The following DESI2 variants were observed in gnomAD, a reference collection of about 807,000 sequenced individuals.
DESI2 encodes deubiquitinase DESI2.
A neutral mutation model predicts 24.1 loss-of-function variants in DESI2; 10 were observed. The observed-to-expected ratio is 0.41, with a 90% CI of 0.26 to 0.70. The LOEUF (loss-of-function observed/expected upper bound fraction) is 0.70. Among genes scored for constraint, DESI2 ranks in the 30% least tolerant of loss-of-function variants. The pLI, the probability that DESI2 is intolerant of heterozygous loss-of-function variation, is 0.29. For synonymous variants in DESI2, 71 were observed against 87.7 expected, an observed-to-expected ratio of 0.81 and a Z score of 1.06; for missense variants, 122 against 234.9, an observed-to-expected ratio of 0.52 and a Z score of 3.14.
intron 1 of DESI2, among the ~76,000 whole-genome samples, chr1:244,682,854 CA>C (rs3059851): frequency 0.012 from 1,479 of 123,336 alleles, 15 homozygotes; most frequent in African/African-American, 0.035. Context: ...AGTGTGTTGT[CA>C]AAAAAAAAAA....
At chr1:244,704,275 T>TTG (rs1677603359) in intron 4 of DESI2, among the ~76,000 whole-genome samples, 1 of 152,214 alleles carries the variant, frequency 6.6e-6, no homozygotes, top group Admixed American at 6.5e-5. Context: ...AAGATGGTAC[T>TTG]TGGAGATCAC....
chr1:244,670,507 A>G (rs1676210222), intron 1 of DESI2, among the ~76,000 whole-genome samples: 1 of 152,224 alleles, frequency 6.6e-6, no homozygotes, highest in South Asian at 2.1e-4. Flanking sequence ...GCTACAACTA[A>G]CACTCATAAT....
intron 1 of DESI2, among the ~76,000 whole-genome samples, chr1:244,679,935 G>T (rs185200863): frequency 9.1e-5 from 13 of 143,054 alleles, no homozygotes; most frequent in African/African-American, 2.6e-4. Flanking sequence ...TCACACCCAA[G>T]AAGTTTTTAA....
chr1:244,666,532 C>T (rs1036198683), intron 1 of DESI2, among the ~76,000 whole-genome samples: 1 of 152,130 alleles, frequency 6.6e-6, no homozygotes, highest in African/African-American at 2.4e-5. Flanking sequence ...CATATTGTAT[C>T]GTGTTCTCAA....
In DESI2 at chr1:244,705,746, G is replaced by A; in HGVS notation, c.542G>A (p.Ser181Asn). The A allele has an allele frequency of 6.2e-7, 1 of 1,613,356 alleles. No homozygotes were observed. Among genetic ancestry groups the A allele is most frequent in the Non-Finnish European group, 8.5e-7 (1 of 1,180,036 alleles). Residue 181 changes from serine to asparagine, a missense_variant, in exon 5 of 5, where the codon AGC (serine) becomes AAC (asparagine). This residue lies in a region of DESI2 where 56 missense variants were observed against 67.9 expected (regional missense o/e 0.82). Coordinates refer to ENST00000302550, the MANE Select transcript of DESI2 (RefSeq NM_016076.5). ...EDAAASASVA[S>N]TAAGSRPGRH... The stretch of plus-strand genomic sequence containing the variant: ...GCTGCCGCATCCGCTTCCGTGGCAA[G>A]CACTGCAGCAGGCTCCAGACCCGGG...
chr1:244,659,189 A>AG (rs940581899), intron 1 of DESI2, among the ~76,000 whole-genome samples: 2 of 141,436 alleles, frequency 1.4e-5, no homozygotes, highest in Non-Finnish European at 3.1e-5. Context: ...TTTCTTTTTT[A>AG]GGGGGGAAGG....
intron 2 of DESI2, among the ~76,000 whole-genome samples, chr1:244,688,930 T>A (rs1676918599): frequency 6.6e-6 from 1 of 152,236 alleles, no homozygotes; most frequent in Non-Finnish European, 1.5e-5. Flanking sequence ...ACTGACCACC[T>A]GCCTAGACTG....
chr1:244,664,440 A>G (rs1378485301), intron 1 of DESI2, among the ~76,000 whole-genome samples: 2 of 152,180 alleles, frequency 1.3e-5, no homozygotes, highest in Non-Finnish European at 2.9e-5. Flanking sequence ...AAACAGAGAA[A>G]AGTTCAATAT....
At position 244,706,536 on chromosome 1, in the gene DESI2, A is replaced by G. The variant is rs1677715487; in HGVS notation, c.*747A>G. On this transcript the variant is annotated 3_prime_UTR_variant, in exon 5 of 5. Coordinates refer to ENST00000302550, the MANE Select transcript of DESI2 (RefSeq NM_016076.5). ...AGTTTAGCTGGTTTTCGTTCAAGAT[A>G]TTCTTGGTAGTAACTGACAAGTATG... 6.6e-6 allele frequency: 1 copy of G among 152,670 alleles called. No individual in the cohort carries two copies. 9.5% of individuals were successfully genotyped at this position (152,670 alleles called of 1,614,324 possible). A position where few individuals can be genotyped will look rare whatever the true frequency, so the allele number is the denominator to read the frequency against.
chr1:244,655,256 C>G lies in DESI2; in HGVS notation c.42+1901C>G, dbSNP rs150697502. ...ACAGGGGAGAGAGTAAGTGATCTGCCTAAACAACTAAAAATACAATCTAGA... is the reference window on the plus strand; with the variant it reads ...ACAGGGGAGAGAGTAAGTGATCTGCGTAAACAACTAAAAATACAATCTAGA... On this transcript the variant is annotated intron_variant, in intron 1 of 4. Transcript: ENST00000302550. 1.1e-3 allele frequency among the ~76,000 whole-genome samples: 167 copies of G among 152,290 alleles called. 3 individuals are homozygous for G. The highest frequency in any genetic ancestry group is 6.8e-3 in the Middle Eastern group (2 of 294).
At chr1:244,658,792 G>A (rs138077795) in intron 1 of DESI2, among the ~76,000 whole-genome samples, 28 of 152,288 alleles carry the variant, frequency 1.8e-4, no homozygotes, top group African/African-American at 6.7e-4. Context: ...TTGGACTAGG[G>A]TGTCCAGATG....
At chr1:244,695,075 C>G (rs1283205619) in intron 4 of DESI2, among the ~76,000 whole-genome samples, 1 of 152,208 alleles carries the variant, frequency 6.6e-6, no homozygotes, top group African/African-American at 2.4e-5. Flanking sequence ...ATTCATTTCT[C>G]TAAGCTGCCA....
At chr1:244,694,611 C>T in intron 4 of DESI2, 1 of 846,856 alleles carries the variant, frequency 1.2e-6, no homozygotes. Context: ...GGCGGGGTAG[C>T]CACATTTGCC....
chr1:244,663,017 C>G (rs972972558), intron 1 of DESI2, among the ~76,000 whole-genome samples: 3 of 152,134 alleles, frequency 2.0e-5, no homozygotes, highest in African/African-American at 7.2e-5. Flanking sequence ...ATGAAAAGCA[C>G]CATTTCCTAA....
rs1044685992 is a variant in DESI2, at chr1:244,706,985, T to C, written c.*1196T>C. 6.6e-6 allele frequency: 1 copy of C among 152,628 alleles called. No homozygotes were observed. The highest frequency in any genetic ancestry group is 1.5e-5 in the Non-Finnish European group (1 of 68,040). The allele number at this position is 152,628 out of a possible 1,614,324, so 9.5% of individuals were successfully genotyped here. A position where few individuals can be genotyped will look rare whatever the true frequency, so the allele number is the denominator to read the frequency against. ...GAAACTGTCACCACAGGTAAATCCT[T>C]GTTAGCAAGGAATCTGTCTGCTCCA... On this transcript the variant is annotated 3_prime_UTR_variant, in exon 5 of 5. Coordinates refer to ENST00000302550, the MANE Select transcript of DESI2 (RefSeq NM_016076.5).
chr1:244,675,453 A>T (rs1166090088), intron 1 of DESI2, among the ~76,000 whole-genome samples: 2 of 152,248 alleles, frequency 1.3e-5, no homozygotes, highest in East Asian at 3.9e-4. Context: ...ATTAATTTTT[A>T]TATATGGCAT....
chr1:244,691,058 C>A (rs1162484415), intron 3 of DESI2, among the ~76,000 whole-genome samples: 1 of 152,184 alleles, frequency 6.6e-6, no homozygotes, highest in Non-Finnish European at 1.5e-5. Context: ...TAATGTCTGT[C>A]GCCTTTCCAA....
chr1:244,705,387 C>T (rs12060258), intron 4 of DESI2, among the ~76,000 whole-genome samples, 169 bp from the exon 5 acceptor site: 42,635 of 151,852 alleles, frequency 0.28, 6,265 homozygotes, highest in African/African-American at 0.37. Context: ...GAGCCCAGGT[C>T]CTGAGTAAAG....
intron 4 of DESI2, 150 bp downstream of exon 4, chr1:244,692,170 G>A: frequency 1.4e-6 from 1 of 694,838 alleles, no homozygotes; most frequent in Non-Finnish European, 2.3e-6. Flanking sequence ...TTGTATGAAT[G>A]ACCTTTCCAG....
Sources: allele counts gnomAD v4.1 joint callset (sites outside exome capture counted in the v4.1 genomes callset), GRCh38; gene constraint gnomAD v4.1.1; regional missense constraint gnomAD v4.1.1; transcripts MANE v1.5; gene names NCBI Gene and HGNC (gene_info 2026-07-23, HGNC 2026-07-21).